Variants in DPYD observed in about 807,000 individuals in gnomAD.
DPYD encodes the protein dihydropyrimidine dehydrogenase, also known as dihydropyrimidine dehydrogenase [NADP(+)].
Under a neutral mutation model 116.2 loss-of-function variants are expected in DPYD, and 109 were observed. That is an observed-to-expected ratio of 0.94 (90% CI 0.80 to 1.10). The LOEUF (loss-of-function observed/expected upper bound fraction) is 1.10, where lower values mean the gene tolerates loss of function less well. DPYD is among the 50% of genes least tolerant of loss of function. The pLI is 0.00. For missense variants in DPYD, 1,302 were observed against 1,254.5 expected, an observed-to-expected ratio of 1.04 and a Z score of -0.57; for synonymous variants, 440 against 432.0, an observed-to-expected ratio of 1.02 and a Z score of -0.23.
intron 13 of DPYD, among the ~76,000 whole-genome samples, chr1:97,473,355 C>G (rs897151540): frequency 4.6e-5 from 7 of 152,214 alleles, no homozygotes; most frequent in Admixed American, 3.3e-4. Flanking sequence ...GCATACATAC[C>G]ACATTTTCTT....
intron 16 of DPYD, among the ~76,000 whole-genome samples, chr1:97,314,666 G>A (rs1338787023): frequency 6.6e-6 from 1 of 151,732 alleles, no homozygotes; most frequent in Non-Finnish European, 1.5e-5. Flanking sequence ...TAATTGTAGA[G>A]ATCAGCCCTG....
At chr1:97,282,108 A>C (rs12046744) in intron 18 of DPYD, among the ~76,000 whole-genome samples, 35,457 of 151,954 alleles carry the variant, frequency 0.23, 4,332 homozygotes, top group Middle Eastern at 0.28. Context: ...TTAAACCTAC[A>C]CTGAGGGATG....
chr1:97,188,443 C>G (rs1314977456), intron 20 of DPYD, among the ~76,000 whole-genome samples: 2 of 152,112 alleles, frequency 1.3e-5, no homozygotes, highest in Non-Finnish European at 2.9e-5. Flanking sequence ...CAATTTAATT[C>G]TATAAACATG....
At chr1:97,152,439 T>TACACATACAC (rs1553223911) in intron 20 of DPYD, among the ~76,000 whole-genome samples, 6 of 145,274 alleles carry the variant, frequency 4.1e-5, no homozygotes, top group Non-Finnish European at 7.6e-5. Flanking sequence ...CTGAATCACA[T>TACACATACAC]ACACACACAC....
At chr1:97,857,846 C>T (rs1349298861) in intron 2 of DPYD, among the ~76,000 whole-genome samples, 4 of 151,936 alleles carry the variant, frequency 2.6e-5, no homozygotes, top group African/African-American at 7.3e-5. Context: ...GGTGCAGTCT[C>T]GAGGCCTGAG....
intron 8 of DPYD, among the ~76,000 whole-genome samples, chr1:97,597,598 A>G (rs1289768883): frequency 6.6e-6 from 1 of 152,200 alleles, no homozygotes; most frequent in East Asian, 1.9e-4. Flanking sequence ...ATTAATATCT[A>G]CAACCACTTG....
chr1:97,866,176 C>T (rs919779108), intron 2 of DPYD, among the ~76,000 whole-genome samples: 2 of 151,930 alleles, frequency 1.3e-5, no homozygotes, highest in Admixed American at 6.6e-5. Flanking sequence ...ATTTTCCATT[C>T]ATTCTCCTAA....
intron 18 of DPYD, among the ~76,000 whole-genome samples, chr1:97,250,619 A>G (rs1663024998): frequency 6.6e-6 from 1 of 152,232 alleles, no homozygotes; most frequent in Non-Finnish European, 1.5e-5. Flanking sequence ...AACGTAAATG[A>G]GGCCAGACAT....
At chr1:97,604,108 G>A (rs971540972) in intron 8 of DPYD, among the ~76,000 whole-genome samples, 7 of 152,098 alleles carry the variant, frequency 4.6e-5, no homozygotes, top group Non-Finnish European at 1.0e-4. Flanking sequence ...TCTCTTAGCT[G>A]CTGGAATTTG....
intron 10 of DPYD, among the ~76,000 whole-genome samples, chr1:97,590,832 T>A (rs936696303): frequency 6.6e-6 from 1 of 152,210 alleles, no homozygotes; most frequent in Non-Finnish European, 1.5e-5. Flanking sequence ...GACTAGCCTC[T>A]CTGCTTCTGA....
chr1:97,699,303 G>T (rs1016709512), intron 6 of DPYD, 48 bp downstream of exon 6: 2 of 1,554,034 alleles, frequency 1.3e-6, no homozygotes, highest in African/African-American at 1.4e-5. Context: ...TAATTGTTTT[G>T]CTCCATCATT....
At chr1:97,570,194 G>T (rs1652797483) in intron 11 of DPYD, among the ~76,000 whole-genome samples, 1 of 151,918 alleles carries the variant, frequency 6.6e-6, no homozygotes, top group African/African-American at 2.4e-5. Context: ...CATTAAAAAT[G>T]TAATCTCCTT....
At chr1:97,471,891 G>A (rs746828790) in intron 13 of DPYD, among the ~76,000 whole-genome samples, 3 of 152,050 alleles carry the variant, frequency 2.0e-5, no homozygotes, top group Admixed American at 6.5e-5. Flanking sequence ...CGCCCATCCC[G>A]TCCCCCTCTT....
At chr1:97,881,273 C>T (rs1219629225) in intron 2 of DPYD, among the ~76,000 whole-genome samples, 1 of 151,988 alleles carries the variant, frequency 6.6e-6, no homozygotes, top group African/African-American at 2.4e-5. Flanking sequence ...GACACACGCA[C>T]ACCCAAAGTG....
chr1:97,789,838 C>T (rs1667223176), intron 3 of DPYD, among the ~76,000 whole-genome samples: 1 of 152,176 alleles, frequency 6.6e-6, no homozygotes, highest in African/African-American at 2.4e-5. Context: ...CCTCTGAGTA[C>T]AGCTGATCTC....
intron 3 of DPYD, among the ~76,000 whole-genome samples, chr1:97,822,118 T>C (rs1374723842): frequency 6.6e-6 from 1 of 151,310 alleles, no homozygotes; most frequent in Non-Finnish European, 1.5e-5. Flanking sequence ...CCTCAAAAAA[T>C]TATCTTTACG....
At position 97,810,691 on chromosome 1, in the gene DPYD, C is replaced by A. The variant is rs140877960; in HGVS notation, c.233+17423G>T. Among the ~76,000 whole-genome samples the A allele has an allele frequency of 9.1e-3, 1,388 of 152,258 alleles. 23 individuals are homozygous for A. Among genetic ancestry groups the A allele is most frequent in the African/African-American group, 0.031 (1,280 of 41,554 alleles). On this transcript the variant is annotated intron_variant, in intron 3 of 22. Coordinates refer to ENST00000370192, the MANE Select transcript of DPYD (RefSeq NM_000110.4). ...AAAACCAGTATGACAGGCTCCCATG[C>A]AGACTCTCTGTATTCATTTTAGATC...
At chr1:97,789,286 T>C (rs910207940) in intron 3 of DPYD, among the ~76,000 whole-genome samples, 2 of 152,202 alleles carry the variant, frequency 1.3e-5, no homozygotes, top group Non-Finnish European at 2.9e-5. Flanking sequence ...ATCCATATAT[T>C]ACATATTTCA....
intron 12 of DPYD, among the ~76,000 whole-genome samples, chr1:97,531,198 T>C (rs1649601402): frequency 6.6e-6 from 1 of 152,316 alleles, no homozygotes; most frequent in African/African-American, 2.4e-5. Flanking sequence ...CCAAAACCAA[T>C]GTCATGAAGC....
Sources: allele counts gnomAD v4.1 joint callset (sites outside exome capture counted in the v4.1 genomes callset), GRCh38; gene constraint gnomAD v4.1.1; transcripts MANE v1.5; gene names NCBI Gene and HGNC (gene_info 2026-07-23, HGNC 2026-07-21).